The following SAMD4B variants were observed in gnomAD, a reference collection of about 807,000 sequenced individuals.
SAMD4B encodes the protein sterile alpha motif domain containing 4B.
SAMD4B carries 5 observed loss-of-function variants against 74.5 expected under a neutral mutation model. The observed-to-expected ratio is 0.07, with a 90% CI of 0.04 to 0.14. The LOEUF (loss-of-function observed/expected upper bound fraction) is 0.14. SAMD4B is among the 10% of genes least tolerant of loss of function. The pLI is 1.00. For missense variants in SAMD4B, 608 were observed against 921.8 expected (o/e 0.66, Z 4.41); for synonymous variants, 373 against 374.9 (o/e 1.00, Z 0.06).
chr19:39,383,214 C>T lies in SAMD4B; in HGVS notation c.1979C>T (p.Pro660Leu), dbSNP rs375649497. 11 of 1,613,944 alleles carry T rather than the reference C, an allele frequency of 6.8e-6. No individual in the cohort carries two copies. In the African/African-American group the frequency reaches 9.3e-5, roughly 14 times the overall value. The stretch of plus-strand genomic sequence containing the variant: ...TCTCCTCTCTCCCACCCAGACTGCC[C>T]GGTTCCTGGGCCTGACCTGGAGATC... ...QAILMFPPDC[P>L]VPGPDLEINP... is the part of the protein sequence containing the mutation. The change falls in exon 13 of 14, where the codon CCG becomes CTG. Residue 660 changes from proline (P) to leucine (L), a missense_variant. By Grantham distance (98) the Pro-to-Leu change is moderately conservative. Around this residue, in one of 9 missense-constraint regions of SAMD4B, gnomAD observed 167 missense variants for 193.0 expected, o/e 0.87. Coordinates refer to ENST00000610417, the MANE Select transcript of SAMD4B (RefSeq NM_001384574.2). This position sits in a 1 kb window ranked among gnomAD's most constrained non-coding sequence, Gnocchi z 4.1.
chr19:39,373,546 C>T (rs1219444373), intron 4 of SAMD4B, among the ~76,000 whole-genome samples: 4 of 151,968 alleles, frequency 2.6e-5, no homozygotes, highest in Admixed American at 1.3e-4. Flanking sequence ...GGTACATGAC[C>T]GAGGCATGAA....
downstream of SAMD4B, chr19:39,389,669 TTGA>T: frequency 6.2e-7 from 1 of 1,614,178 alleles, no homozygotes. The surrounding 1 kb of genome is among the most constrained non-coding windows in gnomAD (Gnocchi z 5.3). Flanking sequence ...GGTGTCAGGA[TTGA>T]TGAGATCGAT....
Position 39,384,607 on chromosome 19 carries a change from G to A in SAMD4B, c.*1080G>A, listed in dbSNP as rs1233626946. The stretch of plus-strand genomic sequence containing the variant: ...ACACTATATCATAACCCAGAGATTC[G>A]TCCCAGCCCCAGAGTCCGACAGACT... On this transcript the variant is annotated 3_prime_UTR_variant, in exon 14 of 14. Transcript: ENST00000610417. 6.6e-6 allele frequency: 1 copy of A among 152,256 alleles called. No homozygotes were observed. Among genetic ancestry groups the A allele is most frequent in the Non-Finnish European group, 1.5e-5 (1 of 67,996 alleles). The allele number at this position is 152,256 out of a possible 1,614,324, so 9.4% of individuals were successfully genotyped here.
Position 39,383,520 on chromosome 19 carries a change from C to T in SAMD4B, c.2078C>T (p.Thr693Ile), listed in dbSNP as rs748101219. 1 of 1,614,250 alleles carries T rather than the reference C, an allele frequency of 6.2e-7. No homozygotes were observed. Among genetic ancestry groups the T allele is most frequent in the Admixed American group, 1.7e-5 (1 of 60,036 alleles). Residue 693 changes from threonine to isoleucine, a missense_variant, in exon 14 of 14, where the codon ACC (threonine) becomes ATC (isoleucine). Physicochemically the swap from Thr to Ile is moderately conservative, Grantham distance 89. Coordinates refer to ENST00000610417, the MANE Select transcript of SAMD4B (RefSeq NM_001384574.2). This position sits in a 1 kb window ranked among gnomAD's most constrained non-coding sequence, Gnocchi z 4.1. Reference protein sequence around the residue: ...ALGDGTDKTSTI With the variant: ...ALGDGTDKTSII ...ACAGATGGGACAGACAAAACCTCCACCATCTGACGGGACCCACAGCCCAGC... is the reference window on the plus strand; with the variant it reads ...ACAGATGGGACAGACAAAACCTCCATCATCTGACGGGACCCACAGCCCAGC...
intron 10 of SAMD4B, 43 bp from the exon 11 acceptor site, chr19:39,380,544 C>T: frequency 1.2e-6 from 2 of 1,601,568 alleles, no homozygotes; most frequent in Non-Finnish European, 8.6e-7. Context: ...ACAGATAGGC[C>T]CCATCTATGT....
intron 3 of SAMD4B, among the ~76,000 whole-genome samples, chr19:39,362,215 T>G (rs1420004767): frequency 6.6e-6 from 1 of 152,184 alleles, no homozygotes; most frequent in Non-Finnish European, 1.5e-5. Flanking sequence ...CTAAAAATAA[T>G]GTGAAGCCCA....
At chr19:39,360,050 G>T (rs1221212302) in intron 3 of SAMD4B, 2 of 151,832 alleles carry the variant, frequency 1.3e-5, no homozygotes, top group Non-Finnish European at 2.9e-5. Context: ...GCCGGGCGTC[G>T]TGGCGGGTGC....
downstream of SAMD4B, chr19:39,390,215 A>AGCCCCACT (rs754921729): frequency 6.2e-7 from 1 of 1,613,308 alleles, no homozygotes; most frequent in Non-Finnish European, 8.5e-7. Flanking sequence ...CTCTGCTCCC[A>AGCCCCACT]GCCCCACTGC....
chr19:39,386,345 C>T (rs200117509), downstream of SAMD4B: 63 of 1,614,162 alleles, frequency 3.9e-5, 1 homozygote, highest in Middle Eastern at 1.5e-3. This position sits in a 1 kb window ranked among gnomAD's most constrained non-coding sequence, Gnocchi z 6.1. Context: ...TCTCGCTGCC[C>T]GAGTGCTCAT....
Position 39,375,929 on chromosome 19 carries a change from G to T in SAMD4B, c.907+40G>T, listed in dbSNP as rs777912729. Reference sequence around the variant, plus strand: ...GCAGCACCAGGACCCTTTTCCAGGGGCTTCTGCAGAGCTTAGAGGACAGAA... The same window carrying T: ...GCAGCACCAGGACCCTTTTCCAGGGTCTTCTGCAGAGCTTAGAGGACAGAA... On this transcript the variant is annotated intron_variant, in intron 5 of 13. Transcript: ENST00000610417. The surrounding 1 kb of genome is among the most constrained non-coding windows in gnomAD (Gnocchi z 4.1). 1.3e-6 allele frequency: 2 copies of T among 1,589,026 alleles called. No homozygotes were observed. Among genetic ancestry groups the T allele is most frequent in the East Asian group, 2.2e-5 (1 of 44,550 alleles).
chr19:39,360,206 AT>A (rs1327766328), intron 3 of SAMD4B: 1 of 152,176 alleles, frequency 6.6e-6, no homozygotes, highest in Middle Eastern at 3.4e-3. Flanking sequence ...AAATAAAAAA[AT>A]AAAATAAAAT....
At chr19:39,390,156 C>A, downstream of SAMD4B, 1 of 1,613,930 alleles carries the variant, frequency 6.2e-7, no homozygotes, top group Non-Finnish European at 8.5e-7. Context: ...GCAGACCACT[C>A]CAGACCTAGG....
downstream of SAMD4B, chr19:39,389,563 G>A: frequency 6.2e-7 from 1 of 1,614,160 alleles, no homozygotes. The surrounding 1 kb of genome is among the most constrained non-coding windows in gnomAD (Gnocchi z 5.3). Context: ...GAGAGCGGGG[G>A]GCAGGAGGAC....
Position 39,384,663 on chromosome 19 carries a change from G to A in SAMD4B, c.*1136G>A, listed in dbSNP as rs1396537215. 2 of 152,610 alleles carry A rather than the reference G, an allele frequency of 1.3e-5. No homozygotes were observed. Among genetic ancestry groups the A allele is most frequent in the Non-Finnish European group, 2.9e-5 (2 of 68,058 alleles). The allele number at this position is 152,610 out of a possible 1,614,324, so 9.5% of individuals were successfully genotyped here. On this transcript the variant is annotated 3_prime_UTR_variant, in exon 14 of 14. Transcript: ENST00000610417. Reference sequence around the variant, plus strand: ...GTCCCTATTCCTAATGAGGGGTTGTGTTGGGGCCCAGGTGGAGGGAGGGGA... The same window carrying A: ...GTCCCTATTCCTAATGAGGGGTTGTATTGGGGCCCAGGTGGAGGGAGGGGA...
downstream of SAMD4B, chr19:39,386,531 C>T: frequency 6.2e-7 from 1 of 1,614,192 alleles, no homozygotes; most frequent in Admixed American, 1.7e-5. This position sits in a 1 kb window ranked among gnomAD's most constrained non-coding sequence, Gnocchi z 6.1. Flanking sequence ...CTTCCTCTTC[C>T]TCCTCCGGTT....
chr19:39,376,820 G>T (rs1489148976), intron 7 of SAMD4B, 29 bp downstream of exon 7: 7 of 1,589,566 alleles, frequency 4.4e-6, no homozygotes, highest in Non-Finnish European at 6.0e-6. Context: ...CATCTTCAAG[G>T]CCAGCCAGCC....
intron 2 of SAMD4B, among the ~76,000 whole-genome samples, chr19:39,354,293 G>A (rs540372061): frequency 2.7e-4 from 41 of 152,148 alleles, no homozygotes; most frequent in African/African-American, 8.4e-4. Flanking sequence ...TCTTTTCTGC[G>A]TGCTACCTCT....
intron 3 of SAMD4B, among the ~76,000 whole-genome samples, chr19:39,364,658 A>T (rs563227393): frequency 2.6e-5 from 4 of 152,342 alleles, no homozygotes; most frequent in African/African-American, 9.6e-5. Context: ...TAAGTTATCA[A>T]ACAGGGTACC....
At chr19:39,356,324 C>T (rs551991450) in intron 2 of SAMD4B, among the ~76,000 whole-genome samples, 1 of 152,088 alleles carries the variant, frequency 6.6e-6, no homozygotes, top group Non-Finnish European at 1.5e-5. Flanking sequence ...GGCCAGATCG[C>T]CATCAATTCA....
Sources: allele counts gnomAD v4.1 joint callset (sites outside exome capture counted in the v4.1 genomes callset), GRCh38; gene constraint gnomAD v4.1.1; regional missense constraint gnomAD v4.1.1; non-coding constraint Gnocchi (gnomAD v3.1); transcripts MANE v1.5; gene names NCBI Gene and HGNC (gene_info 2026-07-23, HGNC 2026-07-21).